The following NRG1 variants were observed in gnomAD, a reference collection of about 807,000 sequenced individuals.
The protein encoded by NRG1 is neuregulin 1.
In NRG1, 18 loss-of-function variants were observed where a neutral mutation model predicts 63.8. The ratio of observed to expected loss-of-function variants is 0.28; its 90% CI spans 0.19 to 0.42. The LOEUF (loss-of-function observed/expected upper bound fraction) is 0.42. Among genes scored for constraint, NRG1 ranks in the 10% least tolerant of loss-of-function variants. The probability of loss-of-function intolerance (pLI) is 1.00; values close to 1 mark genes in which losing one functional copy is unlikely to be tolerated. For missense variants in NRG1, 762 were observed against 814.7 expected (o/e 0.94, Z 0.79); for synonymous variants, 302 against 301.3 (o/e 1.00, Z -0.02).
At chr8:31,935,225 T>A (rs1835202371) in intron 1 of NRG1, among the ~76,000 whole-genome samples, 1 of 152,068 alleles carries the variant, frequency 6.6e-6, no homozygotes, top group Non-Finnish European at 1.5e-5. Context: ...CAAGTAATCC[T>A]CCTGCCTCAG....
intron 1 of NRG1, among the ~76,000 whole-genome samples, chr8:31,836,653 AT>A (rs1446496439): frequency 1.3e-5 from 2 of 152,078 alleles, no homozygotes; most frequent in African/African-American, 4.8e-5. Context: ...ATAAGCTTCT[AT>A]TGCACGTACC....
intron 1 of NRG1, among the ~76,000 whole-genome samples, chr8:31,644,762 G>A (rs567322188): frequency 1.3e-5 from 2 of 151,344 alleles, no homozygotes; most frequent in African/African-American, 4.8e-5. Flanking sequence ...CAACCCTCTT[G>A]TACATTTCAA....
intron 1 of NRG1, among the ~76,000 whole-genome samples, chr8:32,390,802 C>T (rs1811653819): frequency 6.6e-6 from 1 of 152,000 alleles, no homozygotes; most frequent in Non-Finnish European, 1.5e-5. Flanking sequence ...AGCCTGTATT[C>T]CCATTCGTAG....
chr8:31,686,402 G>C (rs1808897229), intron 1 of NRG1, among the ~76,000 whole-genome samples: 1 of 152,020 alleles, frequency 6.6e-6, no homozygotes, highest in African/African-American at 2.4e-5. Context: ...TTCCTGAACT[G>C]ATGAAATTCA....
At chr8:31,717,436 C>CA (rs1348762544) in intron 1 of NRG1, among the ~76,000 whole-genome samples, 2 of 142,826 alleles carry the variant, frequency 1.4e-5, no homozygotes, top group Non-Finnish European at 3.1e-5. Context: ...AAAAGAAAAA[C>CA]AAAAAAAGGA....
At chr8:32,525,391 G>GGGGGGT (rs201406545) in intron 1 of NRG1, among the ~76,000 whole-genome samples, 9 of 145,890 alleles carry the variant, frequency 6.2e-5, no homozygotes, top group Non-Finnish European at 9.0e-5. Flanking sequence ...ATGAGGTAGG[G>GGGGGGT]GTGTGTGTGT....
chr8:32,249,431 A>G (rs1213658209), intron 1 of NRG1, among the ~76,000 whole-genome samples: 7 of 152,166 alleles, frequency 4.6e-5, no homozygotes, highest in Non-Finnish European at 8.8e-5. Context: ...GTTTCATATC[A>G]AAGAGCTGTT....
At chr8:31,839,991 T>A (rs1405254556) in intron 1 of NRG1, among the ~76,000 whole-genome samples, 1 of 152,140 alleles carries the variant, frequency 6.6e-6, no homozygotes, top group Non-Finnish European at 1.5e-5. Context: ...AAGAATGGTC[T>A]AGAATAACAG....
At chr8:32,334,177 C>G (rs1334758750) in intron 1 of NRG1, among the ~76,000 whole-genome samples, 3 of 152,116 alleles carry the variant, frequency 2.0e-5, no homozygotes, top group African/African-American at 7.2e-5. Context: ...ATGACCTTTT[C>G]ATCTTTTTCA....
intron 1 of NRG1, among the ~76,000 whole-genome samples, chr8:31,678,878 G>C (rs1808021428): frequency 6.6e-6 from 1 of 150,644 alleles, no homozygotes; most frequent in Admixed American, 6.6e-5. Context: ...TGGTAGTACT[G>C]GTGGTTATAA....
intron 5 of NRG1, among the ~76,000 whole-genome samples, chr8:32,716,634 T>C (rs1023356832): frequency 3.9e-5 from 6 of 152,182 alleles, no homozygotes; most frequent in Admixed American, 2.6e-4. Context: ...TCCTTGTGTC[T>C]GACGATGCAG....
At chr8:32,685,468 T>A (rs1809851243) in intron 5 of NRG1, among the ~76,000 whole-genome samples, 1 of 152,108 alleles carries the variant, frequency 6.6e-6, no homozygotes, top group African/African-American at 2.4e-5. Flanking sequence ...CACTCCTACC[T>A]CCACCACCAT....
intron 1 of NRG1, among the ~76,000 whole-genome samples, chr8:32,264,252 TTGTC>T (rs1321592577): frequency 1.3e-5 from 2 of 152,326 alleles, no homozygotes; most frequent in East Asian, 1.9e-4. Flanking sequence ...TAATTTTTAA[TTGTC>T]TGTCAATCCT....
At position 32,704,788 on chromosome 8, in the gene NRG1, A is replaced by G. The variant is rs140677631; in HGVS notation, c.503-23161A>G. ...GTTCCTCAAGTCATAGTGCAAACAA[A>G]ATTATATTTATCATTTACAGACAGG... On this transcript the variant is annotated intron_variant, in intron 5 of 11. Transcript: ENST00000356819. Among the ~76,000 whole-genome samples, 599 of 152,284 alleles carry G rather than the reference A, an allele frequency of 3.9e-3. 5 individuals are homozygous for G. Among genetic ancestry groups the G allele is most frequent in the African/African-American group, 0.014 (563 of 41,562 alleles).
intron 1 of NRG1, among the ~76,000 whole-genome samples, chr8:31,829,238 A>T (rs1295092153): frequency 6.6e-6 from 1 of 152,218 alleles, no homozygotes; most frequent in African/African-American, 2.4e-5. Context: ...TAAATTTTTC[A>T]TAGTGTGTTG....
intron 1 of NRG1, among the ~76,000 whole-genome samples, chr8:31,896,269 T>C (rs1695886220): frequency 2.0e-5 from 3 of 152,226 alleles, no homozygotes. Context: ...TTATTATGTA[T>C]GTGTGCTACC....
At chr8:31,790,979 G>A (rs1330096028) in intron 1 of NRG1, among the ~76,000 whole-genome samples, 1 of 152,116 alleles carries the variant, frequency 6.6e-6, no homozygotes, top group Non-Finnish European at 1.5e-5. Context: ...GGGAGGCTGA[G>A]GTGGGCGGAT....
At chr8:32,714,386 T>C (rs1386839133) in intron 5 of NRG1, among the ~76,000 whole-genome samples, 1 of 152,246 alleles carries the variant, frequency 6.6e-6, no homozygotes. Context: ...AGAATGATGA[T>C]GTGTTTTAAT....
At chr8:32,354,618 C>G (rs1476383369) in intron 1 of NRG1, among the ~76,000 whole-genome samples, 1 of 149,820 alleles carries the variant, frequency 6.7e-6, no homozygotes, top group Non-Finnish European at 1.5e-5. Flanking sequence ...GCAGGCTGGG[C>G]GTGGTGGCTC....
Sources: allele counts gnomAD v4.1 joint callset (sites outside exome capture counted in the v4.1 genomes callset), GRCh38; gene constraint gnomAD v4.1.1; transcripts MANE v1.5; gene names NCBI Gene and HGNC (gene_info 2026-07-23, HGNC 2026-07-21).